RNPEP: variants seen among roughly 807,000 people sequenced by gnomAD.
The protein encoded by RNPEP is arginyl aminopeptidase, also known as aminopeptidase B.
A neutral mutation model predicts 70.1 loss-of-function variants in RNPEP; 57 were observed. The ratio of observed to expected loss-of-function variants is 0.81; its 90% CI spans 0.66 to 1.01. RNPEP has a LOEUF of 1.01. RNPEP is among the 50% of genes least tolerant of loss of function. RNPEP has a pLI of 0.00. For synonymous variants in RNPEP, 335 were observed against 357.4 expected (o/e 0.94, Z 0.71); for missense variants, 787 against 852.4 (o/e 0.92, Z 0.96).
At chr1:201,987,008 A>G (rs975207401) in intron 1 of RNPEP, among the ~76,000 whole-genome samples, 2 of 152,156 alleles carry the variant, frequency 1.3e-5, no homozygotes, top group African/African-American at 4.8e-5. Flanking sequence ...AAGGAGACTA[A>G]TTAAATTTTT....
In RNPEP at chr1:201,999,887, T is replaced by TTGATTCTGCACCAGGC; in HGVS notation, c.1091-14_1092dup. ...ACAGACGTTTTCCCGAGGCTTACGTTTGATTCTGCACCAGGCGCTGCGTAC... is the reference window on the plus strand; with the variant it reads ...ACAGACGTTTTCCCGAGGCTTACGTTTGATTCTGCACCAGGCTGATTCTGCACCAGGCGCTGCGTAC... On this transcript the variant is annotated splice_polypyrimidine_tract_variant and intron_variant, in intron 5 of 10. Transcript: ENST00000295640. 6.2e-7 allele frequency: 1 copy of TTGATTCTGCACCAGGC among 1,607,082 alleles called. No individual in the cohort carries two copies. The highest frequency in any genetic ancestry group is 1.1e-5 in the South Asian group (1 of 90,022).
At chr1:201,987,454 T>C (rs1683173024) in intron 1 of RNPEP, among the ~76,000 whole-genome samples, 1 of 88,416 alleles carries the variant, frequency 1.1e-5, no homozygotes, top group Non-Finnish European at 2.3e-5. Context: ...TTTTTTTTTT[T>C]TGAGGCAGAG....
At chr1:201,994,054 G>T (rs1165243163) in intron 3 of RNPEP, among the ~76,000 whole-genome samples, 3 of 152,074 alleles carry the variant, frequency 2.0e-5, no homozygotes, top group Non-Finnish European at 4.4e-5. Flanking sequence ...ATGTTCTGCT[G>T]TTTTTCTTCT....
Position 202,004,374 on chromosome 1 carries a change from G to A in RNPEP, c.1672G>A (p.Asp558Asn). The A allele has an allele frequency of 6.2e-7, 1 of 1,614,132 alleles. No homozygotes were observed. The change falls in exon 10 of 11, where the codon GAC (aspartate) becomes AAC (asparagine). Residue 558 changes from aspartate (D) to asparagine (N), a missense_variant. Physicochemically the swap from Asp to Asn is conservative, Grantham distance 23 (BLOSUM62 1). Transcript: ENST00000295640. ...TCCAGGGAATGTGAAAAAACTTGGA[G>A]ACACATACCCAAGTATCTCAAATGC... is the stretch of plus-strand genomic sequence containing the variant. ...LPPGNVKKLG[D>N]TYPSISNARN... is the part of the protein sequence containing the mutation.
intron 10 of RNPEP, 58 bp downstream of exon 10, chr1:202,004,554 G>T: frequency 6.3e-7 from 1 of 1,596,126 alleles, no homozygotes; most frequent in Non-Finnish European, 8.5e-7. Context: ...TCGGCCATAT[G>T]TGAAGTAATC....
At position 201,997,048 on chromosome 1, in the gene RNPEP, C is replaced by T. The variant is rs534314368; in HGVS notation, c.855-271C>T. ...AATACATTTATCACCTCCACCCCTG[C>T]TTGGAAGGAGAGAGGGAAACAAATG... On this transcript the variant is annotated intron_variant, in intron 4 of 10. Coordinates refer to ENST00000295640, the MANE Select transcript of RNPEP (RefSeq NM_020216.4). 3.3e-5 allele frequency among the ~76,000 whole-genome samples: 5 copies of T among 152,214 alleles called. No individual in the cohort carries two copies. The South Asian group carries it at 1.0e-3, about 32-fold the overall frequency.
chr1:202,002,991 G>T, intron 8 of RNPEP: 2 of 463,948 alleles, frequency 4.3e-6, no homozygotes, highest in Non-Finnish European at 7.8e-6. Context: ...CACCAACTTG[G>T]CTCTGACAAC....
Position 201,984,821 on chromosome 1 carries a change from C to CTTTTTTCTTTTTCTTTTTTTTTT in RNPEP, c.447+1714_447+1715insCTTTTTCTTTTTTTTTTTTTTTT, listed in dbSNP as rs1558257963. On this transcript the variant is annotated intron_variant, in intron 1 of 10. Transcript: ENST00000295640. ...TTACTGCTAACTTTTGTATTTCTTT[C>CTTTTTTCTTTTTCTTTTTTTTTT]TTTTTTTTTTTTTTTTTTTTTTTTT... is the stretch of plus-strand genomic sequence containing the variant. Among the ~76,000 whole-genome samples the CTTTTTTCTTTTTCTTTTTTTTTT allele has an allele frequency of 2.9e-4, 35 of 122,032 alleles. 4 individuals are homozygous for CTTTTTTCTTTTTCTTTTTTTTTT. Among genetic ancestry groups the CTTTTTTCTTTTTCTTTTTTTTTT allele is most frequent in the East Asian group, 4.8e-4 (2 of 4,188 alleles). 80.1% of individuals were successfully genotyped at this position (122,032 alleles called of 152,430 possible).
intron 1 of RNPEP, 167 bp downstream of exon 1, chr1:201,983,280 G>T: frequency 6.9e-7 from 1 of 1,443,816 alleles, no homozygotes; most frequent in African/African-American, 1.4e-5. Flanking sequence ...TCCTCCCCTT[G>T]CTTCCTCTTT....
chr1:201,993,616 A>C (rs887014418), intron 3 of RNPEP, among the ~76,000 whole-genome samples: 19 of 149,052 alleles, frequency 1.3e-4, no homozygotes, highest in African/African-American at 4.7e-4. Context: ...CCAAAACAAA[A>C]AAAAAAAACA....
At chr1:201,983,496 C>T (rs1354252829) in intron 1 of RNPEP, 2 of 1,345,864 alleles carry the variant, frequency 1.5e-6, no homozygotes. Flanking sequence ...ACTTAGTGCC[C>T]TCTTGGACTT....
At chr1:202,003,568 G>A (rs954823146) in intron 9 of RNPEP, 107 bp downstream of exon 9, 35 of 759,562 alleles carry the variant, frequency 4.6e-5, no homozygotes, top group African/African-American at 3.7e-4. Context: ...GAACTGCCAC[G>A]TACACTAGGG....
At chr1:201,987,693 C>A (rs980033027) in intron 1 of RNPEP, among the ~76,000 whole-genome samples, 1 of 151,970 alleles carries the variant, frequency 6.6e-6, no homozygotes, top group Admixed American at 6.6e-5. Flanking sequence ...CTGCGTCGGA[C>A]TCCCAAAGTG....
chr1:201,982,912 G>A lies in RNPEP; in HGVS notation c.246G>A (p.Ser82=), dbSNP rs1203660020. The change falls in exon 1 of 11, where the codon TCG becomes TCA. Residue 82 remains serine (S), a synonymous_variant. Coordinates refer to ENST00000295640, the MANE Select transcript of RNPEP (RefSeq NM_020216.4). ...PEGAAELRLD[S]HPCLEVTAAA... The stretch of plus-strand genomic sequence containing the variant: ...GCGCCGCCGAGCTGCGGCTGGACTC[G>A]CACCCGTGCCTGGAGGTGACGGCGG... The A allele has an allele frequency of 4.1e-6, 6 of 1,469,402 alleles. No homozygotes were observed. The African/African-American group carries it at 7.4e-5, about 18-fold the overall frequency. 91.0% of individuals were successfully genotyped at this position (1,469,402 alleles called of 1,614,324 possible). A position where few individuals can be genotyped will look rare whatever the true frequency, so the allele number is the denominator to read the frequency against.
At chr1:201,996,732 G>A (rs1286410453) in intron 4 of RNPEP, among the ~76,000 whole-genome samples, 9 of 152,094 alleles carry the variant, frequency 5.9e-5, no homozygotes, top group Admixed American at 5.9e-4. Flanking sequence ...GACCTCAGGT[G>A]ATCTGTCCAC....
chr1:201,990,371 A>G (rs1347074011), intron 3 of RNPEP, among the ~76,000 whole-genome samples: 1 of 152,248 alleles, frequency 6.6e-6, no homozygotes, highest in African/African-American at 2.4e-5. Context: ...CCGTGAAGTT[A>G]CATGGATCTT....
intron 3 of RNPEP, among the ~76,000 whole-genome samples, chr1:201,994,971 G>A (rs1683494376): frequency 6.6e-6 from 1 of 151,440 alleles, no homozygotes. Context: ...TGAGCCACCA[G>A]GCCCAGCCAG....
In RNPEP at chr1:201,983,095, C is replaced by A; in HGVS notation, c.429C>A (p.Arg143=). The A allele has an allele frequency of 6.6e-7, 1 of 1,504,144 alleles. No individual in the cohort carries two copies. Among genetic ancestry groups the A allele is most frequent in the South Asian group, 1.3e-5 (1 of 77,762 alleles). The allele number at this position is 1,504,144 out of a possible 1,614,324, so 93.2% of individuals were successfully genotyped here. A position where few individuals can be genotyped will look rare whatever the true frequency, so the allele number is the denominator to read the frequency against. Residue 143 remains arginine (R), a synonymous_variant, in exon 1 of 11, where the codon CGC becomes CGA. Transcript: ENST00000295640. Reference sequence around the variant, plus strand: ...GCCTCCAGGTGCTGCTCACCTACCGCGTCGGGGAGGGACCCGGGGTGAGTG... The same window carrying A: ...GCCTCCAGGTGCTGCTCACCTACCGAGTCGGGGAGGGACCCGGGGTGAGTG... ...AERLQVLLTY[R]VGEGPGVCWL... is the part of the protein sequence containing the mutation.
rs764391818 is a variant in RNPEP at position 201,997,549 on chromosome 1, T to G, written c.1085T>G (p.Leu362Arg). The change falls in exon 5 of 11, where the codon CTC becomes CGC. Residue 362 changes from leucine to arginine, a missense_variant. Physicochemically the swap from Leu to Arg is moderately radical, Grantham distance 102 (BLOSUM62 -2). Coordinates refer to ENST00000295640, the MANE Select transcript of RNPEP (RefSeq NM_020216.4). Reference protein sequence around the residue: ...MYAQRRISTILFGAAYTCLEA... With the variant: ...MYAQRRISTIRFGAAYTCLEA... ...GCCCAGAGGAGGATCTCCACCATCC[T>G]CTTTGGTAAAGTGCCCACCCCTCTC... 6.2e-7 allele frequency: 1 copy of G among 1,612,192 alleles called. No individual in the cohort carries two copies. The highest frequency in any genetic ancestry group is 1.3e-5 in the African/African-American group (1 of 74,870).
Sources: gnomAD v4.1 joint callset for allele counts (sites outside exome capture counted in the v4.1 genomes callset) on GRCh38, gnomAD v4.1.1 for gene constraint, MANE v1.5 for transcripts, NCBI Gene and HGNC (gene_info 2026-07-23, HGNC 2026-07-21) for gene names.